Variants in DSCAM observed in about 807,000 individuals in gnomAD.
DSCAM encodes the protein cell adhesion molecule DSCAM.
DSCAM carries 47 observed loss-of-function variants against 217.7 expected under a neutral mutation model. That is an observed-to-expected ratio of 0.22 (90% CI 0.17 to 0.28). DSCAM has a LOEUF of 0.28. Ranked by LOEUF, DSCAM falls within the 10% of genes least tolerant of loss-of-function variation. The pLI, the probability that DSCAM is intolerant of heterozygous loss-of-function variation, is 1.00. For missense variants in DSCAM, 2,080 were observed against 2,618.3 expected (o/e 0.79, Z 4.49); for synonymous variants, 1,056 against 1,015.3 (o/e 1.04, Z -0.76).
At chr21:40,503,293 C>T (rs1382039618) in intron 3 of DSCAM, among the ~76,000 whole-genome samples, 1 of 152,186 alleles carries the variant, frequency 6.6e-6, no homozygotes, top group Non-Finnish European at 1.5e-5. Context: ...CCTGTATTCA[C>T]TCACCGCCTG....
chr21:40,115,307 C>T lies in DSCAM; in HGVS notation c.3696+8888G>A, dbSNP rs150061216. ...GAAACCATCATTCTGAGCAAACTAT[C>T]GCAAGGAGAAAAAACCAAACGCCGC... On this transcript the variant is annotated intron_variant, in intron 20 of 32. Transcript: ENST00000400454. Among the ~76,000 whole-genome samples the T allele has an allele frequency of 4.7e-3, 720 of 152,130 alleles. 3 individuals are homozygous for T. Among genetic ancestry groups the T allele is most frequent in the African/African-American group, 0.017 (686 of 41,470 alleles).
chr21:40,560,880 G>A (rs1056052428), intron 3 of DSCAM, among the ~76,000 whole-genome samples: 3 of 152,168 alleles, frequency 2.0e-5, no homozygotes, highest in Non-Finnish European at 4.4e-5. Context: ...GGTTTCTACT[G>A]AATGCATATC....
intron 11 of DSCAM, among the ~76,000 whole-genome samples, chr21:40,215,783 A>G (rs1012730146): frequency 6.6e-6 from 1 of 152,190 alleles, no homozygotes; most frequent in Non-Finnish European, 1.5e-5. Context: ...CACTTGTACC[A>G]TTAAAACTAA....
At chr21:40,402,710 TAAC>T (rs1306017884) in intron 3 of DSCAM, among the ~76,000 whole-genome samples, 2 of 151,732 alleles carry the variant, frequency 1.3e-5, no homozygotes, top group African/African-American at 2.4e-5. Flanking sequence ...GAGGAAGATT[TAAC>T]AACAATTTCT....
intron 1 of DSCAM, among the ~76,000 whole-genome samples, chr21:40,759,702 C>A (rs1243314781): frequency 6.6e-6 from 1 of 152,140 alleles, no homozygotes; most frequent in Non-Finnish European, 1.5e-5. Context: ...TGGCTTCAGT[C>A]CAGGACTTCA....
At chr21:40,540,655 G>C (rs894344846) in intron 3 of DSCAM, among the ~76,000 whole-genome samples, 4 of 152,118 alleles carry the variant, frequency 2.6e-5, no homozygotes, top group African/African-American at 9.7e-5. Context: ...ACAAAAGAGA[G>C]GGGGTGCTGC....
intron 18 of DSCAM, among the ~76,000 whole-genome samples, chr21:40,139,836 T>C (rs1252950384): frequency 1.3e-5 from 2 of 149,776 alleles, no homozygotes; most frequent in Non-Finnish European, 3.0e-5. Context: ...ATGCGTGGTG[T>C]GGTATGTGTG....
chr21:40,217,403 C>A (rs940246988), intron 11 of DSCAM, among the ~76,000 whole-genome samples: 1 of 152,048 alleles, frequency 6.6e-6, no homozygotes, highest in Non-Finnish European at 1.5e-5. Flanking sequence ...ACTTTTCAAA[C>A]GTCCTGCTTT....
chr21:40,667,542 T>C (rs2090217754), intron 3 of DSCAM, among the ~76,000 whole-genome samples: 1 of 152,200 alleles, frequency 6.6e-6, no homozygotes, highest in African/African-American at 2.4e-5. Context: ...TGATATGGCT[T>C]GGCTGTGTCC....
At chr21:40,084,279 G>A (rs2089502849) in intron 23 of DSCAM, among the ~76,000 whole-genome samples, 1 of 152,006 alleles carries the variant, frequency 6.6e-6, no homozygotes, top group Non-Finnish European at 1.5e-5. Context: ...TTCCTTGACT[G>A]TCTGAGTTAT....
chr21:40,048,080 T>C (rs1017631913), intron 30 of DSCAM, among the ~76,000 whole-genome samples: 1 of 152,204 alleles, frequency 6.6e-6, no homozygotes, highest in Admixed American at 6.5e-5. Context: ...ACTCCCTGGC[T>C]GTGTCGCTGG....
At chr21:40,680,877 A>T (rs1403318440) in intron 3 of DSCAM, among the ~76,000 whole-genome samples, 1 of 152,142 alleles carries the variant, frequency 6.6e-6, no homozygotes, top group African/African-American at 2.4e-5. Flanking sequence ...TTTTGGAATA[A>T]CTGTATTTTC....
chr21:40,292,754 T>G (rs1305036641), intron 10 of DSCAM, among the ~76,000 whole-genome samples: 1 of 152,120 alleles, frequency 6.6e-6, no homozygotes, highest in Non-Finnish European at 1.5e-5. Flanking sequence ...CTTTTCCTTT[T>G]TTTTTTGAGA....
chr21:40,090,158 T>C (rs138317925), intron 21 of DSCAM, among the ~76,000 whole-genome samples: 6 of 152,338 alleles, frequency 3.9e-5, no homozygotes, highest in Admixed American at 2.0e-4. Context: ...TAAACCTCAG[T>C]GCTGTGGTCG....
At chr21:40,485,372 A>C (rs926915549) in intron 3 of DSCAM, among the ~76,000 whole-genome samples, 12 of 151,536 alleles carry the variant, frequency 7.9e-5, no homozygotes, top group African/African-American at 2.9e-4. Flanking sequence ...CCTCCCGAGT[A>C]GCTGGGACTA....
chr21:40,409,863 G>GTA (rs1200048017), intron 3 of DSCAM, among the ~76,000 whole-genome samples: 2 of 152,114 alleles, frequency 1.3e-5, no homozygotes, highest in African/African-American at 4.8e-5. Flanking sequence ...CTGCATCCCA[G>GTA]TAAACTGTCC....
At chr21:40,709,190 C>G (rs1243343032) in intron 1 of DSCAM, among the ~76,000 whole-genome samples, 2 of 152,190 alleles carry the variant, frequency 1.3e-5, no homozygotes, top group African/African-American at 2.4e-5. Flanking sequence ...GAGCCCAGCT[C>G]TCACTGGACT....
At chr21:40,673,307 A>C (rs2090298610) in intron 3 of DSCAM, among the ~76,000 whole-genome samples, 1 of 152,324 alleles carries the variant, frequency 6.6e-6, no homozygotes, top group South Asian at 2.1e-4. Flanking sequence ...AAAATACAAA[A>C]AATGGAATTA....
chr21:40,471,020 T>C (rs976603589), intron 3 of DSCAM, among the ~76,000 whole-genome samples: 3 of 152,236 alleles, frequency 2.0e-5, no homozygotes, highest in African/African-American at 7.2e-5. Flanking sequence ...CTAGCTGTCA[T>C]ATTCCATTTT....
Sources: allele counts gnomAD v4.1 joint callset (sites outside exome capture counted in the v4.1 genomes callset), GRCh38; gene constraint gnomAD v4.1.1; transcripts MANE v1.5; gene names NCBI Gene and HGNC (gene_info 2026-07-23, HGNC 2026-07-21).